Variants in LAMA5 observed in about 807,000 individuals in gnomAD.
The protein encoded by LAMA5 is laminin subunit alpha 5.
In LAMA5, 260 loss-of-function variants were observed where a neutral mutation model predicts 433.4. The observed-to-expected ratio is 0.60, with a 90% CI of 0.54 to 0.66. The LOEUF (loss-of-function observed/expected upper bound fraction) is 0.66. Ranked by LOEUF, LAMA5 falls within the 30% of genes least tolerant of loss-of-function variation. The probability of loss-of-function intolerance (pLI) is 0.00; values close to 1 mark genes in which losing one functional copy is unlikely to be tolerated. For synonymous variants in LAMA5, 2,620 were observed against 2,226.6 expected (o/e 1.18, Z -4.97); for missense variants, 5,378 against 5,258.5 (o/e 1.02, Z -0.70).
intron 50 of LAMA5, 112 bp downstream of exon 50, chr20:62,320,447 G>A: frequency 1.3e-6 from 1 of 775,178 alleles, no homozygotes; most frequent in East Asian, 2.7e-5. Flanking sequence ...CCTGTCCCCT[G>A]CACTGACACA....
chr20:62,314,712 A>G lies in LAMA5; in HGVS notation c.8210T>C (p.Met2737Thr). ...RGAASKVKVP[M>T]KFNGRSGVQL... ...CACCCCTGAGCGCCCGTTGAACTTCATGGGCACCTTGACCTGCGGGGCACG... is the reference window on the plus strand; with the variant it reads ...CACCCCTGAGCGCCCGTTGAACTTCGTGGGCACCTTGACCTGCGGGGCACG... Residue 2737 changes from methionine to threonine, a missense_variant, in exon 61 of 80, where the codon ATG becomes ACG. Met to Thr is a moderately conservative substitution (Grantham distance 81). Coordinates refer to ENST00000252999, the MANE Select transcript of LAMA5 (RefSeq NM_005560.6). The G allele has an allele frequency of 1.9e-6, 3 of 1,612,592 alleles. No homozygotes were observed. In the South Asian group the frequency reaches 3.3e-5, roughly 18 times the overall value.
intron 32 of LAMA5, 114 bp downstream of exon 32, chr20:62,329,663 C>A (rs926577025): frequency 1.1e-5 from 15 of 1,353,424 alleles, no homozygotes; most frequent in Non-Finnish European, 1.5e-5. Flanking sequence ...TTGCTGGGCA[C>A]AAGGCCAGGC....
Position 62,310,203 on chromosome 20 carries a change from AAGT to A in LAMA5, c.10706_10708del (p.Tyr3569del). 1 of 1,612,528 alleles carries A rather than the reference AAGT, an allele frequency of 6.2e-7. No individual in the cohort carries two copies. The highest frequency in any genetic ancestry group is 8.5e-7 in the Non-Finnish European group (1 of 1,179,944). The stretch of plus-strand genomic sequence containing the variant: ...TTGCTTCTCGGTCACCTGCAACTGC[AAGT>A]AGGGGGGCGTCCGGGCCTGGCCCAA... On this transcript the variant is annotated inframe_deletion, in exon 77 of 80. Transcript: ENST00000252999.
At chr20:62,344,883 T>C (rs1983114121) in intron 11 of LAMA5, among the ~76,000 whole-genome samples, 1 of 152,178 alleles carries the variant, frequency 6.6e-6, no homozygotes, top group African/African-American at 2.4e-5. Context: ...AGACAATGTG[T>C]TTACAGGATT....
At chr20:62,357,120 G>A (rs1175245776) in intron 2 of LAMA5, among the ~76,000 whole-genome samples, 1 of 152,160 alleles carries the variant, frequency 6.6e-6, no homozygotes, top group Non-Finnish European at 1.5e-5. Context: ...CCAGAGGAGG[G>A]GAGGCGGTGC....
rs1986158299 is a variant in LAMA5 at position 62,310,686 on chromosome 20, G to A, written c.10425C>T (p.Ser3475=). The A allele has an allele frequency of 6.2e-7, 1 of 1,602,986 alleles. No homozygotes were observed. Among genetic ancestry groups the A allele is most frequent in the Non-Finnish European group, 8.5e-7 (1 of 1,178,296 alleles). Residue 3475 remains serine, a synonymous_variant, in exon 75 of 80, where the codon AGC becomes AGT. Coordinates refer to ENST00000252999, the MANE Select transcript of LAMA5 (RefSeq NM_005560.6). ...TCACCGGAAGTTTGGAGCTGTGGCT[G>A]CTGGCCGGGAGGCCGCCCACAAAGA... ...HTLFVGGLPA[S]SHSSKLPVTV... is the part of the protein sequence containing the mutation.
Position 62,312,332 on chromosome 20 carries a change from C to A in LAMA5, c.9361-16G>T. The A allele has an allele frequency of 1.9e-6, 3 of 1,606,250 alleles. No homozygotes were observed. Among genetic ancestry groups the A allele is most frequent in the Non-Finnish European group, 2.5e-6 (3 of 1,179,048 alleles). ...CGCGCCCCACCTGCGGGGAGGCCAT[C>A]CCTGAGTGCCCGCGGGTGCCCCTGC... On this transcript the variant is annotated splice_polypyrimidine_tract_variant and intron_variant, in intron 68 of 79. Transcript: ENST00000252999.
rs1986708300 is a variant in LAMA5, at chr20:62,314,453, C to T, written c.8368-13G>A. 1 of 1,613,038 alleles carries T rather than the reference C, an allele frequency of 6.2e-7. No individual in the cohort carries two copies. The highest frequency in any genetic ancestry group is 8.5e-7 in the Non-Finnish European group (1 of 1,179,764). On this transcript the variant is annotated splice_polypyrimidine_tract_variant and intron_variant, in intron 61 of 79. Transcript: ENST00000252999. ...AGTCCCCAGTGGCCTGCGGCAGTGACAGACACACAGTCGGGATGGGGACCG... is the reference window on the plus strand; with the variant it reads ...AGTCCCCAGTGGCCTGCGGCAGTGATAGACACACAGTCGGGATGGGGACCG...
rs1987124340 is a variant in LAMA5, at chr20:62,317,795, G to A, written c.7240-17C>T. 1.3e-6 allele frequency: 2 copies of A among 1,520,270 alleles called. No individual in the cohort carries two copies. Among genetic ancestry groups the A allele is most frequent in the Non-Finnish European group, 1.8e-6 (2 of 1,113,682 alleles). 94.2% of individuals were successfully genotyped at this position (1,520,270 alleles called of 1,614,324 possible). On this transcript the variant is annotated splice_polypyrimidine_tract_variant and intron_variant, in intron 53 of 79. Transcript: ENST00000252999. ...CTTCCTTTGCTGAAGGCAATGCAGG[G>A]GAGTTGGGGACAATGAGGGGTAAGA...
rs1429572402 is a variant in LAMA5 at position 62,322,312 on chromosome 20, C to T, written c.6303G>A (p.Glu2101=). Residue 2101 remains glutamate (E), a synonymous_variant, in exon 47 of 80, where the codon GAG becomes GAA. Transcript: ENST00000252999. The stretch of plus-strand genomic sequence containing the variant: ...GGAGCCCCCAGTAGCCAGGGGCACA[C>T]TCGCGGCACTGGGGTCCCATGGTCC... The part of the protein sequence containing the change: ...RPGTMGPQCR[E]CAPGYWGLPE... 15 of 1,600,528 alleles carry T rather than the reference C, an allele frequency of 9.4e-6. No homozygotes were observed. Among genetic ancestry groups the T allele is most frequent in the African/African-American group, 1.3e-5 (1 of 74,718 alleles).
chr20:62,333,509 G>A (rs767010148), intron 24 of LAMA5, 28 bp from the exon 25 acceptor site: 2 of 1,599,470 alleles, frequency 1.3e-6, no homozygotes, highest in Non-Finnish European at 8.5e-7. Flanking sequence ...TGCTGAGAGT[G>A]GTGGGCCCCA....
chr20:62,320,070 G>A (rs754971804), intron 50 of LAMA5, among the ~76,000 whole-genome samples: 1 of 152,126 alleles, frequency 6.6e-6, no homozygotes, highest in African/African-American at 2.4e-5. Flanking sequence ...TGTAATCCCA[G>A]CACTTTGGGA....
At position 62,312,615 on chromosome 20, in the gene LAMA5, C is replaced by A. The variant is rs1248766502; in HGVS notation, c.9227+17G>T. On this transcript the variant is annotated intron_variant, in intron 67 of 79. Transcript: ENST00000252999. ...CAACAGCCTGGCCTCGGAGCCCCAGCTGCGCACAGTGCTTACCTCGGGGGC... is the reference window on the plus strand; with the variant it reads ...CAACAGCCTGGCCTCGGAGCCCCAGATGCGCACAGTGCTTACCTCGGGGGC... The A allele has an allele frequency of 6.2e-7, 1 of 1,602,864 alleles. No individual in the cohort carries two copies. Among genetic ancestry groups the A allele is most frequent in the Non-Finnish European group, 8.5e-7 (1 of 1,176,638 alleles).
intron 34 of LAMA5, 97 bp from the exon 35 acceptor site, chr20:62,328,542 G>T (rs972710977): frequency 5.5e-6 from 7 of 1,284,032 alleles, no homozygotes; most frequent in Non-Finnish European, 6.3e-6. Flanking sequence ...AGTGTGACGG[G>T]GGCGGGGGAG....
chr20:62,346,701 C>A lies in LAMA5; in HGVS notation c.1172G>T (p.Gly391Val), dbSNP rs556381906. Residue 391 changes from glycine to valine, a missense_variant, in exon 8 of 80, where the codon GGT (glycine) becomes GTT (valine). Transcript: ENST00000252999. Reference protein sequence around the residue: ...QSLDGTYQGGGVCIDCQHHTT... With the variant: ...QSLDGTYQGGVVCIDCQHHTT... ...GCCCACCTGGCAGTCGATACAGACA[C>A]CCCCACCCTGATAGGTGCCATCCAG... The A allele has an allele frequency of 1.9e-6, 3 of 1,613,154 alleles. No individual in the cohort carries two copies. The highest frequency in any genetic ancestry group is 2.5e-6 in the Non-Finnish European group (3 of 1,179,754).
At position 62,327,892 on chromosome 20, in the gene LAMA5, G is replaced by A. The variant is rs199616271; in HGVS notation, c.4771C>T (p.Pro1591Ser). Residue 1591 changes from proline (P) to serine (S), a missense_variant, in exon 36 of 80, where the codon CCC (proline) becomes TCC (serine). By Grantham distance (74) the Pro-to-Ser change is moderately conservative. Coordinates refer to ENST00000252999, the MANE Select transcript of LAMA5 (RefSeq NM_005560.6). ...EAGTAPGVCD[P>S]LTGQCYCKEN... ...TTACAGTAGCACTGCCCTGTGAGGG[G>A]GTCACACACGCCAGGCGCAGTGCCC... The A allele has an allele frequency of 8.1e-6, 13 of 1,611,174 alleles. No homozygotes were observed. In the Admixed American group the frequency reaches 1.5e-4, roughly 19 times the overall value.
At position 62,347,120 on chromosome 20, in the gene LAMA5, G is replaced by C. The variant is rs77944813; in HGVS notation, c.957-92C>G. The C allele has an allele frequency of 2.7e-3, 2,629 of 972,470 alleles. 43 individuals carry two copies. The African/African-American group carries it at 0.038, about 14-fold the overall frequency. 60.2% of individuals were successfully genotyped at this position (972,470 alleles called of 1,614,324 possible). On this transcript the variant is annotated intron_variant, in intron 6 of 79. Coordinates refer to ENST00000252999, the MANE Select transcript of LAMA5 (RefSeq NM_005560.6). ...CCCTGAAGGGGCCTGTGATCCCCTC[G>C]ATGGCTTGGCTTGCCACATGGACAC...
At chr20:62,339,451 C>T (rs559202114) in intron 11 of LAMA5, among the ~76,000 whole-genome samples, 3 of 152,024 alleles carry the variant, frequency 2.0e-5, no homozygotes, top group East Asian at 3.9e-4. Context: ...TTAGCCAGGA[C>T]GGTCTCCATC....
rs372053343 is a variant in LAMA5, at chr20:62,324,256, C to A, written c.5644-52G>T. 7.6e-6 allele frequency: 12 copies of A among 1,569,376 alleles called. No individual in the cohort carries two copies. The highest frequency in any genetic ancestry group is 8.6e-6 in the Non-Finnish European group (10 of 1,166,938). On this transcript the variant is annotated intron_variant, in intron 42 of 79. Coordinates refer to ENST00000252999, the MANE Select transcript of LAMA5 (RefSeq NM_005560.6). This position sits in a 1 kb window ranked among gnomAD's most constrained non-coding sequence, Gnocchi z 4.4. ...ATGGTGGACACCCACATCCTACTGC[C>A]GAGTCTGTGCAGCTCCCACCACCCC...
Sources: allele counts gnomAD v4.1 joint callset (sites outside exome capture counted in the v4.1 genomes callset), GRCh38; gene constraint gnomAD v4.1.1; non-coding constraint Gnocchi (gnomAD v3.1); transcripts MANE v1.5; gene names NCBI Gene and HGNC (gene_info 2026-07-23, HGNC 2026-07-21).